ARHGAP15: variants seen among roughly 807,000 people sequenced by gnomAD.
ARHGAP15 encodes Rho GTPase activating protein 15.
Under a neutral mutation model 63.7 loss-of-function variants are expected in ARHGAP15, and 51 were observed. The ratio of observed to expected loss-of-function variants is 0.80; its 90% CI spans 0.64 to 1.01. The LOEUF (loss-of-function observed/expected upper bound fraction) is 1.01, where lower values mean the gene tolerates loss of function less well. Among genes scored for constraint, ARHGAP15 ranks in the 50% least tolerant of loss-of-function variants. ARHGAP15 has a pLI of 0.00. For missense variants in ARHGAP15, 560 were observed against 564.6 expected, an observed-to-expected ratio of 0.99 and a Z score of 0.08; for synonymous variants, 191 against 193.8, an observed-to-expected ratio of 0.99 and a Z score of 0.12.
chr2:143,722,353 G>A (rs1279418189), intron 13 of ARHGAP15, among the ~76,000 whole-genome samples: 1 of 151,936 alleles, frequency 6.6e-6, no homozygotes, highest in East Asian at 1.9e-4. Context: ...AAAAAATGCC[G>A]TTACTTGCCA....
chr2:143,451,868 A>G (rs1216005263), intron 8 of ARHGAP15, among the ~76,000 whole-genome samples: 1 of 151,988 alleles, frequency 6.6e-6, no homozygotes, highest in African/African-American at 2.4e-5. Flanking sequence ...GTAGTAATAG[A>G]CATTTCCACA....
At chr2:143,246,419 A>G (rs1281822699) in intron 5 of ARHGAP15, among the ~76,000 whole-genome samples, 1 of 151,904 alleles carries the variant, frequency 6.6e-6, no homozygotes, top group East Asian at 1.9e-4. Context: ...TGAAGTCAGA[A>G]CAAACCATTT....
intron 6 of ARHGAP15, among the ~76,000 whole-genome samples, chr2:143,313,016 A>T (rs113321146): frequency 2.0e-5 from 3 of 152,168 alleles, no homozygotes; most frequent in African/African-American, 7.2e-5. Flanking sequence ...TGTTCTTCCC[A>T]GTAGCAGTAA....
chr2:143,587,862 G>T (rs1197563612), intron 11 of ARHGAP15: 7 of 394,476 alleles, frequency 1.8e-5, no homozygotes, highest in Admixed American at 2.9e-5. Context: ...CCCTAGTATT[G>T]AGTGATAGAA....
intron 6 of ARHGAP15, among the ~76,000 whole-genome samples, chr2:143,346,252 A>T (rs7578069): frequency 1.9e-4 from 24 of 127,460 alleles, no homozygotes; most frequent in South Asian, 5.0e-4. Flanking sequence ...ACACACACTC[A>T]CACACACACA....
At position 143,307,836 on chromosome 2, in the gene ARHGAP15, T is replaced by A. The variant is rs893391850; in HGVS notation, c.474+57236T>A. Among the ~76,000 whole-genome samples the A allele has an allele frequency of 2.0e-5, 3 of 152,134 alleles. No individual in the cohort carries two copies. In the South Asian group the frequency reaches 6.2e-4, roughly 31 times the overall value. ...TCTTTTTTCTACGATATAATTCTTA[T>A]GACTCCATCTCCAAAAGAAAAAAAG... is the stretch of plus-strand genomic sequence containing the variant. On this transcript the variant is annotated intron_variant, in intron 6 of 13. Transcript: ENST00000295095.
In ARHGAP15 at chr2:143,468,657, AGAGAGAGTGTGT is replaced by A. The variant is rs1471848741; in HGVS notation, c.704-18714_704-18703del. 9.4e-3 allele frequency among the ~76,000 whole-genome samples: 1,151 copies of A among 122,246 alleles called. 15 individuals are homozygous for A. Among genetic ancestry groups the A allele is most frequent in the African/African-American group, 0.034 (1,100 of 32,292 alleles). 80.2% of individuals were successfully genotyped at this position (122,246 alleles called of 152,430 possible). On this transcript the variant is annotated intron_variant, in intron 8 of 13. Transcript: ENST00000295095. ...GTGAGAGAGAGAGAGAGAGAGAGAG[AGAGAGAGTGTGT>A]GTGTGTGTGTGTGTGTGTTGTAAAA... is the stretch of plus-strand genomic sequence containing the variant.
chr2:143,456,841 C>CAG (rs5834949), intron 8 of ARHGAP15, among the ~76,000 whole-genome samples: 151,789 of 151,872 alleles, frequency 1, 75,853 homozygotes, highest in Middle Eastern at 1. Context: ...TTTTGAAAGA[C>CAG]AGATTTGTGC....
chr2:143,412,077 C>G (rs1248082489), intron 6 of ARHGAP15, among the ~76,000 whole-genome samples: 3 of 152,090 alleles, frequency 2.0e-5, no homozygotes, highest in African/African-American at 7.2e-5. Flanking sequence ...TCAATTTGAA[C>G]CAGTAGTGTG....
intron 5 of ARHGAP15, among the ~76,000 whole-genome samples, chr2:143,243,739 T>G (rs1407801363): frequency 1.3e-5 from 2 of 152,140 alleles, no homozygotes; most frequent in Non-Finnish European, 1.5e-5. Flanking sequence ...AATAAGTAGT[T>G]TAAATGTTTA....
At chr2:143,254,622 T>A (rs184135662) in intron 6 of ARHGAP15, among the ~76,000 whole-genome samples, 1 of 152,146 alleles carries the variant, frequency 6.6e-6, no homozygotes, top group East Asian at 1.9e-4. Context: ...CCTTATTAAA[T>A]ATGTGAGAGT....
chr2:143,290,543 C>T (rs1174376639), intron 6 of ARHGAP15, among the ~76,000 whole-genome samples: 2 of 152,000 alleles, frequency 1.3e-5, no homozygotes, highest in Non-Finnish European at 2.9e-5. Flanking sequence ...TCTGGATTTT[C>T]ATATAACATA....
chr2:143,339,034 T>C (rs1189140539), intron 6 of ARHGAP15, among the ~76,000 whole-genome samples: 1 of 152,142 alleles, frequency 6.6e-6, no homozygotes, highest in Admixed American at 6.6e-5. Context: ...TTGTTGGGGA[T>C]AGCTATCCAT....
intron 13 of ARHGAP15, among the ~76,000 whole-genome samples, chr2:143,714,441 G>A (rs1326180836): frequency 6.6e-6 from 1 of 152,180 alleles, no homozygotes; most frequent in African/African-American, 2.4e-5. Context: ...TCTCTGACAT[G>A]GCCTGGAGAC....
intron 6 of ARHGAP15, among the ~76,000 whole-genome samples, chr2:143,321,944 T>G (rs1684043277): frequency 6.6e-6 from 1 of 152,154 alleles, no homozygotes; most frequent in Non-Finnish European, 1.5e-5. Context: ...ACAATTATCT[T>G]CCTAATGGAG....
intron 12 of ARHGAP15, among the ~76,000 whole-genome samples, chr2:143,684,988 T>A (rs1683264373): frequency 6.6e-6 from 1 of 152,198 alleles, no homozygotes; most frequent in Non-Finnish European, 1.5e-5. Flanking sequence ...CAAATTATGT[T>A]ATAATCCAAC....
intron 6 of ARHGAP15, among the ~76,000 whole-genome samples, chr2:143,428,557 T>C (rs1028978745): frequency 8.5e-5 from 13 of 152,050 alleles, no homozygotes; most frequent in Non-Finnish European, 1.5e-4. Flanking sequence ...TAAATTCTCA[T>C]GAGAGATGAT....
intron 9 of ARHGAP15, among the ~76,000 whole-genome samples, chr2:143,507,601 A>T (rs1693378761): frequency 6.6e-6 from 1 of 152,320 alleles, no homozygotes; most frequent in Middle Eastern, 3.4e-3. Flanking sequence ...TTCGAATTCC[A>T]TCTAGAGGTT....
chr2:143,668,559 G>A (rs1304600793), intron 12 of ARHGAP15, among the ~76,000 whole-genome samples: 1 of 85,332 alleles, frequency 1.2e-5, no homozygotes, highest in Non-Finnish European at 3.2e-5. Flanking sequence ...GTTTGCAGGT[G>A]CAATTAGCTA....
Sources: allele counts gnomAD v4.1 joint callset (sites outside exome capture counted in the v4.1 genomes callset), GRCh38; gene constraint gnomAD v4.1.1; transcripts MANE v1.5; gene names NCBI Gene and HGNC (gene_info 2026-07-23, HGNC 2026-07-21).